The following PTPRM variants were observed in gnomAD, a reference collection of about 807,000 sequenced individuals.
PTPRM encodes the protein protein tyrosine phosphatase receptor type M.
Under a neutral mutation model 186.7 loss-of-function variants are expected in PTPRM, and 47 were observed. The ratio of observed to expected loss-of-function variants is 0.25; its 90% CI spans 0.20 to 0.32. The LOEUF (loss-of-function observed/expected upper bound fraction) is 0.32. Among genes scored for constraint, PTPRM ranks in the 10% least tolerant of loss-of-function variants. The pLI is 1.00. For synonymous variants in PTPRM, 668 were observed against 674.9 expected, an observed-to-expected ratio of 0.99 and a Z score of 0.16; for missense variants, 1,494 against 1,865.0, an observed-to-expected ratio of 0.80 and a Z score of 3.66.
intron 2 of PTPRM, among the ~76,000 whole-genome samples, chr18:7,873,997 G>A (rs1320338804): frequency 6.6e-6 from 1 of 151,866 alleles, no homozygotes; most frequent in Admixed American, 6.6e-5. Context: ...TGTAAATTTG[G>A]GTCTCTGTGT....
chr18:7,936,318 C>T (rs146085046), intron 5 of PTPRM, among the ~76,000 whole-genome samples: 191 of 152,344 alleles, frequency 1.3e-3, no homozygotes, highest in Non-Finnish European at 1.8e-3. Context: ...TCTTTGCACT[C>T]TCAGGGACCC....
intron 1 of PTPRM, among the ~76,000 whole-genome samples, chr18:7,624,160 CAACT>C (rs1258490291): frequency 1.3e-5 from 2 of 152,178 alleles, no homozygotes; most frequent in East Asian, 1.9e-4. Context: ...TGAGGCCATA[CAACT>C]AACTATTTAT....
chr18:7,670,742 A>G (rs962451065), intron 1 of PTPRM, among the ~76,000 whole-genome samples: 4 of 152,234 alleles, frequency 2.6e-5, no homozygotes, highest in East Asian at 1.9e-4. Context: ...GAACTTATAT[A>G]TAGGAGTTAT....
chr18:8,134,628 A>G (rs946925683), intron 13 of PTPRM, among the ~76,000 whole-genome samples: 2 of 152,110 alleles, frequency 1.3e-5, no homozygotes, highest in African/African-American at 4.8e-5. Context: ...ATATTACCAG[A>G]TCTTTCTTTT....
intron 2 of PTPRM, among the ~76,000 whole-genome samples, chr18:7,882,691 C>G (rs9965384): frequency 0.073 from 11,140 of 152,282 alleles, 497 homozygotes; most frequent in African/African-American, 0.13. Flanking sequence ...CCATGTAACT[C>G]TTTCTTCCTG....
chr18:7,892,015 G>A (rs2049108508), intron 3 of PTPRM, among the ~76,000 whole-genome samples: 1 of 152,170 alleles, frequency 6.6e-6, no homozygotes, highest in South Asian at 2.1e-4. Flanking sequence ...TCCCAAAGTA[G>A]GGAAGACAGG....
At chr18:7,858,737 A>G (rs1288888748) in intron 2 of PTPRM, among the ~76,000 whole-genome samples, 1 of 152,210 alleles carries the variant, frequency 6.6e-6, no homozygotes, top group Non-Finnish European at 1.5e-5. Context: ...AGCTATCATA[A>G]TGGAGACTCA....
intron 1 of PTPRM, among the ~76,000 whole-genome samples, chr18:7,595,544 A>G (rs937541933): frequency 2.6e-5 from 4 of 152,200 alleles, no homozygotes; most frequent in Non-Finnish European, 5.9e-5. Context: ...ACATTGCTCT[A>G]TGATAATGTC....
intron 7 of PTPRM, among the ~76,000 whole-genome samples, chr18:8,021,836 G>A (rs2085255093): frequency 6.6e-6 from 1 of 152,078 alleles, no homozygotes; most frequent in South Asian, 2.1e-4. Context: ...TCCTGTCTCA[G>A]CCTCTCAAAA....
chr18:8,302,725 C>T (rs1256793491), intron 20 of PTPRM, among the ~76,000 whole-genome samples: 1 of 151,886 alleles, frequency 6.6e-6, no homozygotes, highest in Non-Finnish European at 1.5e-5. Context: ...TCCTGCGTTT[C>T]CGACTTACTG....
intron 2 of PTPRM, among the ~76,000 whole-genome samples, chr18:7,836,145 T>C (rs2046037851): frequency 1.3e-5 from 2 of 152,262 alleles, no homozygotes; most frequent in South Asian, 4.1e-4. Context: ...TTATTTGTTT[T>C]CTGGTTGTTT....
chr18:8,085,567 C>A (rs1400787683), intron 9 of PTPRM, 104 bp from the exon 10 acceptor site: 7 of 987,672 alleles, frequency 7.1e-6, no homozygotes, highest in Non-Finnish European at 1.1e-5. Context: ...AGGAGCTTAT[C>A]ATAAAGTGTC....
At chr18:7,865,355 G>A (rs189990088) in intron 2 of PTPRM, among the ~76,000 whole-genome samples, 8 of 152,076 alleles carry the variant, frequency 5.3e-5, no homozygotes, top group Non-Finnish European at 8.8e-5. Context: ...TTTGAGATAC[G>A]TCCCATTGAT....
intron 1 of PTPRM, among the ~76,000 whole-genome samples, chr18:7,731,060 A>G (rs930834831): frequency 1.3e-5 from 2 of 152,104 alleles, no homozygotes; most frequent in Admixed American, 6.5e-5. Context: ...CCTGCCATCC[A>G]TCATATCTAT....
At chr18:7,977,378 C>T (rs1214356408) in intron 7 of PTPRM, among the ~76,000 whole-genome samples, 3 of 151,950 alleles carry the variant, frequency 2.0e-5, no homozygotes, top group Non-Finnish European at 4.4e-5. Flanking sequence ...CGTGAGTGAC[C>T]GCACCCAGCT....
intron 13 of PTPRM, among the ~76,000 whole-genome samples, chr18:8,138,852 A>G (rs1468740334): frequency 6.6e-6 from 1 of 152,036 alleles, no homozygotes; most frequent in Non-Finnish European, 1.5e-5. Context: ...CTTAAGAAAA[A>G]AAGACTGTTT....
At chr18:8,220,471 C>T (rs899314310) in intron 14 of PTPRM, among the ~76,000 whole-genome samples, 7 of 152,280 alleles carry the variant, frequency 4.6e-5, no homozygotes, top group African/African-American at 1.7e-4. Flanking sequence ...TTTGAAAAGG[C>T]TGAGAAATGT....
intron 7 of PTPRM, among the ~76,000 whole-genome samples, chr18:7,965,018 G>GC (rs1056287382): frequency 2.0e-5 from 3 of 148,636 alleles, no homozygotes; most frequent in African/African-American, 7.5e-5. Context: ...GGAGGGTTCT[G>GC]CCCCCACTCT....
At chr18:7,731,213 T>C (rs1055476885) in intron 1 of PTPRM, among the ~76,000 whole-genome samples, 1 of 152,214 alleles carries the variant, frequency 6.6e-6, no homozygotes, top group Admixed American at 6.5e-5. Context: ...TTCTAAAACA[T>C]TCAATATCCA....
Sources: gnomAD v4.1 joint callset for allele counts (sites outside exome capture counted in the v4.1 genomes callset) on GRCh38, gnomAD v4.1.1 for gene constraint, MANE v1.5 for transcripts, NCBI Gene and HGNC (gene_info 2026-07-23, HGNC 2026-07-21) for gene names.